Variants in F11R observed in about 807,000 individuals in gnomAD.
F11R encodes F11 receptor, also known as junctional adhesion molecule A.
In F11R, 27 loss-of-function variants were observed where a neutral mutation model predicts 39.3. That is an observed-to-expected ratio of 0.69 (90% CI 0.51 to 0.95). The LOEUF (loss-of-function observed/expected upper bound fraction) is 0.95, where lower values mean the gene tolerates loss of function less well. Ranked by LOEUF, F11R falls within the 40% of genes least tolerant of loss-of-function variation. The pLI, the probability that F11R is intolerant of heterozygous loss-of-function variation, is 0.00. For synonymous variants in F11R, 131 were observed against 144.9 expected, an observed-to-expected ratio of 0.90 and a Z score of 0.69; for missense variants, 335 against 372.7, an observed-to-expected ratio of 0.90 and a Z score of 0.83.
rs1406767309 is a variant in F11R at position 160,999,422 on chromosome 1, A to T, written c.803-14T>A. On this transcript the variant is annotated splice_polypyrimidine_tract_variant and intron_variant, in intron 7 of 9. Coordinates refer to ENST00000368026, the MANE Select transcript of F11R (RefSeq NM_016946.6). The stretch of plus-strand genomic sequence containing the variant: ...CTTTCTTTGTTCCTGAAAGAGAAGA[A>T]ATGGGATCATGAGTGTCAGCAGGAC... 6.2e-7 allele frequency: 1 copy of T among 1,614,222 alleles called. No homozygotes were observed. The highest frequency in any genetic ancestry group is 1.7e-5 in the Admixed American group (1 of 60,020).
At chr1:160,998,955 A>G in intron 9 of F11R, 49 bp from the exon 10 acceptor site, 1 of 1,613,838 alleles carries the variant, frequency 6.2e-7, no homozygotes. Flanking sequence ...TCTTTAGCTG[A>G]TAATCCCCAA....
chr1:161,009,184 G>A lies in F11R; in HGVS notation c.65-7831C>T, dbSNP rs1195672835. Among the ~76,000 whole-genome samples, 6 of 151,916 alleles carry A rather than the reference G, an allele frequency of 3.9e-5. No homozygotes were observed. In the South Asian group the frequency reaches 8.3e-4, roughly 21 times the overall value. On this transcript the variant is annotated intron_variant, in intron 1 of 9. Coordinates refer to ENST00000368026, the MANE Select transcript of F11R (RefSeq NM_016946.6). The stretch of plus-strand genomic sequence containing the variant: ...TCATCCACATTATTTTCTGGAAAAC[G>A]ACCTCCCACATGCCCAGTCCTCACC...
intron 1 of F11R, among the ~76,000 whole-genome samples, chr1:161,009,510 A>T (rs961470198): frequency 6.6e-6 from 1 of 152,166 alleles, no homozygotes; most frequent in East Asian, 1.9e-4. Context: ...ATGAACGCCT[A>T]TAACACTGAG....
Position 160,997,949 on chromosome 1 carries a change from G to T in F11R, c.*922C>A, listed in dbSNP as rs1648224698. 1 of 148,250 alleles carries T rather than the reference G, an allele frequency of 6.7e-6. No individual in the cohort carries two copies. Among genetic ancestry groups the T allele is most frequent in the Non-Finnish European group, 1.5e-5 (1 of 67,868 alleles). 9.2% of individuals were successfully genotyped at this position (148,250 alleles called of 1,614,324 possible). A position where few individuals can be genotyped will look rare whatever the true frequency, so the allele number is the denominator to read the frequency against. ...GGAAGGGTGATGGCCTAAGCCACCA[G>T]CTCCAGCTTTCTTTTCTTTCTTTTT... On this transcript the variant is annotated 3_prime_UTR_variant, in exon 10 of 10. Coordinates refer to ENST00000368026, the MANE Select transcript of F11R (RefSeq NM_016946.6).
chr1:160,997,860 TAC>T lies in F11R; in HGVS notation c.*1009_*1010del, dbSNP rs1240815778. 1 of 153,014 alleles carries T rather than the reference TAC, an allele frequency of 6.5e-6. No homozygotes were observed. Among genetic ancestry groups the T allele is most frequent in the Non-Finnish European group, 1.5e-5 (1 of 68,174 alleles). 9.5% of individuals were successfully genotyped at this position (153,014 alleles called of 1,614,324 possible). Reference sequence around the variant, plus strand: ...AAGCTCAACAAAGAGCTAAGACCACTACACACATCTCCACAGCACCACAGGCA... The same window carrying T: ...AAGCTCAACAAAGAGCTAAGACCACTACACATCTCCACAGCACCACAGGCA... On this transcript the variant is annotated 3_prime_UTR_variant, in exon 10 of 10. Transcript: ENST00000368026.
chr1:160,999,895 A>G lies in F11R; in HGVS notation c.675T>C (p.Asn225=), dbSNP rs750230279. ...RNGYGTPMTS[N]AVRMEAVERN... ...TCTCACCAGCTTCCATGCGCACAGCATTTGAAGTCATGGGTGTCCCATACC... is the reference window on the plus strand; with the variant it reads ...TCTCACCAGCTTCCATGCGCACAGCGTTTGAAGTCATGGGTGTCCCATACC... The change falls in exon 6 of 10, where the codon AAT becomes AAC. Residue 225 remains asparagine, a synonymous_variant. Coordinates refer to ENST00000368026, the MANE Select transcript of F11R (RefSeq NM_016946.6). 18 of 1,614,180 alleles carry G rather than the reference A, an allele frequency of 1.1e-5. No homozygotes were observed. The South Asian group carries it at 2.0e-4, about 18-fold the overall frequency.
At position 161,000,305 on chromosome 1, in the gene F11R, G is replaced by A; in HGVS notation, c.432C>T (p.Thr144=). 1 of 1,614,116 alleles carries A rather than the reference G, an allele frequency of 6.2e-7. No individual in the cohort carries two copies. The highest frequency in any genetic ancestry group is 2.2e-5 in the East Asian group (1 of 44,888). The change falls in exon 5 of 10, where the codon ACC becomes ACT. Residue 144 remains threonine (T), a synonymous_variant. Transcript: ENST00000368026. ...KPTVNIPSSA[T]IGNRAVLTCS... ...ATGTCAGCACTGCCCGGTTCCCAAT[G>A]GTGGCAGAGGAGGGGATGTTAACTG...
chr1:161,008,234 G>A (rs907426100), intron 1 of F11R, among the ~76,000 whole-genome samples: 7 of 152,094 alleles, frequency 4.6e-5, no homozygotes, highest in Admixed American at 2.6e-4. Flanking sequence ...GGTGACTCAC[G>A]CCTGTAATCC....
In F11R at chr1:160,996,642, C is replaced by T. The variant is rs41267947; in HGVS notation, c.*2229G>A. 0.22 allele frequency: 34,110 copies of T among 152,082 alleles called. 4,543 individuals are homozygous for T. The highest frequency in any genetic ancestry group is 0.29 in the Non-Finnish European group (19,664 of 68,036). 9.4% of individuals were successfully genotyped at this position (152,082 alleles called of 1,614,324 possible). On this transcript the variant is annotated 3_prime_UTR_variant, in exon 10 of 10. Coordinates refer to ENST00000368026, the MANE Select transcript of F11R (RefSeq NM_016946.6). ...TTAGCCAGGCATGGTGGCACGCACC[C>T]GTAATCCCAGCTACTCAGGAGACTG...
In F11R at chr1:161,021,010, A is replaced by G. The variant is rs1048962433; in HGVS notation, c.64T>C (p.Cys22Arg). 1.9e-6 allele frequency: 3 copies of G among 1,613,966 alleles called. No individual in the cohort carries two copies. The highest frequency in any genetic ancestry group is 1.7e-5 in the Admixed American group (1 of 60,014). ...TCCTCCCGAAACTCTGGGAACTTAC[A>G]CAACAGGATCGCCAATATGAAGAGG... is the stretch of plus-strand genomic sequence containing the variant. ...LCLFILAILL[C>R]SLALGSVTVH... The change falls in exon 1 of 10, where the codon TGC becomes CGC. Residue 22 changes from cysteine (C) to arginine (R), a missense_variant and splice_region_variant. Coordinates refer to ENST00000368026, the MANE Select transcript of F11R (RefSeq NM_016946.6).
At chr1:161,003,646 G>A (rs536486268) in intron 1 of F11R, among the ~76,000 whole-genome samples, 2 of 150,720 alleles carry the variant, frequency 1.3e-5, no homozygotes, top group East Asian at 3.9e-4. Flanking sequence ...GTGTGATCTC[G>A]GCTCACTGCA....
intron 1 of F11R, among the ~76,000 whole-genome samples, chr1:161,011,676 G>C (rs530135539): frequency 7.9e-5 from 12 of 151,586 alleles, no homozygotes; most frequent in African/African-American, 2.7e-4. Context: ...GTTGCAGTGA[G>C]CTGAGATTGT....
At chr1:161,017,291 A>C (rs1335088459) in intron 1 of F11R, among the ~76,000 whole-genome samples, 2 of 152,166 alleles carry the variant, frequency 1.3e-5, no homozygotes, top group Non-Finnish European at 2.9e-5. Context: ...TATAAGAGGA[A>C]GGCATGCCTC....
chr1:161,009,328 C>T (rs190014434), intron 1 of F11R, among the ~76,000 whole-genome samples: 1 of 151,938 alleles, frequency 6.6e-6, no homozygotes, highest in African/African-American at 2.4e-5. Flanking sequence ...TGGTAAACCC[C>T]AAGTGAAAAG....
chr1:161,009,589 TC>T (rs1649014233), intron 1 of F11R, among the ~76,000 whole-genome samples: 1 of 152,184 alleles, frequency 6.6e-6, no homozygotes, highest in Non-Finnish European at 1.5e-5. Context: ...AATAGTATTT[TC>T]CAAAACAGCC....
chr1:161,008,571 C>T (rs999096598), intron 1 of F11R, among the ~76,000 whole-genome samples: 4 of 152,058 alleles, frequency 2.6e-5, no homozygotes, highest in Non-Finnish European at 5.9e-5. Context: ...TGAGCACATA[C>T]TATATTTGAG....
In F11R at chr1:160,996,769, AAAAACAAAAC is replaced by A. The variant is rs530573336; in HGVS notation, c.*2092_*2101del. The A allele has an allele frequency of 6.6e-6, 1 of 152,310 alleles. No homozygotes were observed. Among genetic ancestry groups the A allele is most frequent in the African/African-American group, 2.4e-5 (1 of 41,462 alleles). The allele number at this position is 152,310 out of a possible 1,614,324, so 9.4% of individuals were successfully genotyped here. ...TGACAGAGCGAGACTCCGTCTTTAAAAAAACAAAACAAAACAAAACAAAAAACAACAAACT... is the reference window on the plus strand; with the variant it reads ...TGACAGAGCGAGACTCCGTCTTTAAAAAAACAAAACAAAAAACAACAAACT... On this transcript the variant is annotated 3_prime_UTR_variant, in exon 10 of 10. Coordinates refer to ENST00000368026, the MANE Select transcript of F11R (RefSeq NM_016946.6).
At chr1:161,008,810 T>TC (rs916102407) in intron 1 of F11R, among the ~76,000 whole-genome samples, 2 of 152,186 alleles carry the variant, frequency 1.3e-5, no homozygotes, top group Non-Finnish European at 2.9e-5. Context: ...TTCCTAAAAA[T>TC]GCAAATCTGA....
At chr1:161,003,420 C>T (rs1002627578) in intron 1 of F11R, among the ~76,000 whole-genome samples, 6 of 152,052 alleles carry the variant, frequency 3.9e-5, no homozygotes, top group Admixed American at 2.0e-4. Flanking sequence ...AGCCACTGCA[C>T]CTGGCCTAAT....
Sources: gnomAD v4.1 joint callset for allele counts (sites outside exome capture counted in the v4.1 genomes callset) on GRCh38, gnomAD v4.1.1 for gene constraint, MANE v1.5 for transcripts, NCBI Gene and HGNC (gene_info 2026-07-23, HGNC 2026-07-21) for gene names.